Variants in TTN observed in about 807,000 individuals in gnomAD.
TTN encodes titin, also known as connectin.
A neutral mutation model predicts 3,223.0 loss-of-function variants in TTN; 1,525 were observed. That is an observed-to-expected ratio of 0.47 (90% CI 0.45 to 0.49). The LOEUF is 0.49. Ranked by LOEUF, TTN falls within the 20% of genes least tolerant of loss-of-function variation. The pLI is 0.00. For missense variants in TTN, 40,786 were observed against 43,424.0 expected (o/e 0.94, Z 5.40); for synonymous variants, 14,094 against 15,161.0 (o/e 0.93, Z 5.17).
Position 178,698,843 on chromosome 2 carries a change from C to T in TTN, c.30754G>A (p.Glu10252Lys). The T allele has an allele frequency of 6.5e-7, 1 of 1,542,598 alleles. No individual in the cohort carries two copies. ...ACTGCTTTTTGATTAATTATAATAC[C>T]TTCACGTGGTGTCATCTCTTTGGGC... ...AKPKEMTPREEIVKKPPPPTT... is the reference protein window; with the variant it reads ...AKPKEMTPREKIVKKPPPPTT... Residue 10252 changes from glutamate (E) to lysine (K), a missense_variant and splice_region_variant, in exon 112 of 363, where the codon GAG becomes AAG. Glu to Lys is a moderately conservative substitution (Grantham distance 56). Coordinates refer to ENST00000589042, the MANE Select transcript of TTN (RefSeq NM_001267550.2).
At position 178,732,275 on chromosome 2, in the gene TTN, C is replaced by T; in HGVS notation, c.16694G>A (p.Cys5565Tyr). ...AATTGGAGGGGTACCAGTTACTTTG[C>T]AGGCTAGCTGGGTGGCATCTCCCTT... Reference protein sequence around the residue: ...LKKGDATQLACKVTGTPPIKI... With the variant: ...LKKGDATQLAYKVTGTPPIKI... The change falls in exon 57 of 363, where the codon TGC becomes TAC. Residue 5565 changes from cysteine (C) to tyrosine (Y), a missense_variant. Coordinates refer to ENST00000589042, the MANE Select transcript of TTN (RefSeq NM_001267550.2). The T allele has an allele frequency of 6.2e-7, 1 of 1,613,630 alleles. No individual in the cohort carries two copies. Among genetic ancestry groups the T allele is most frequent in the Non-Finnish European group, 8.5e-7 (1 of 1,179,672 alleles).
chr2:178,569,542 T>G lies in TTN; in HGVS notation c.76590A>C (p.Leu25530Phe). ...INIRAGGSLR[L>F]FVPIKGRPTP... ...TAGGACGACCTTTTATAGGAACAAA[T>G]AACCTTAAGGAGCCACCTGCCCTTA... The change falls in exon 326 of 363, where the codon TTA becomes TTC. Residue 25530 changes from leucine to phenylalanine, a missense_variant. Coordinates refer to ENST00000589042, the MANE Select transcript of TTN (RefSeq NM_001267550.2). The G allele has an allele frequency of 6.2e-7, 1 of 1,612,788 alleles. No homozygotes were observed. Among genetic ancestry groups the G allele is most frequent in the Non-Finnish European group, 8.5e-7 (1 of 1,179,414 alleles).
chr2:178,741,481 C>T lies in TTN; in HGVS notation c.11752G>A (p.Asp3918Asn). ...KINSKGEGHK[D>N]TETESAVAKS... ...GCCACTGCTGATTCTGTTTCAGTGT[C>T]TTTGTGACCCTCTCCTTTGGAATTA... Residue 3918 changes from aspartate to asparagine, a missense_variant, in exon 48 of 363, where the codon GAC (aspartate) becomes AAC (asparagine). Coordinates refer to ENST00000589042, the MANE Select transcript of TTN (RefSeq NM_001267550.2). The T allele has an allele frequency of 6.2e-7, 1 of 1,613,834 alleles. No individual in the cohort carries two copies. Among genetic ancestry groups the T allele is most frequent in the Non-Finnish European group, 8.5e-7 (1 of 1,179,810 alleles).
chr2:178,722,000 T>C lies in TTN; in HGVS notation c.22663A>G (p.Ile7555Val), dbSNP rs747649130. 6.2e-7 allele frequency: 1 copy of C among 1,613,456 alleles called. No individual in the cohort carries two copies. The highest frequency in any genetic ancestry group is 1.3e-5 in the African/African-American group (1 of 74,900). ...RITWSKDNKEIRPGGNYTITC... is the reference protein window; with the variant it reads ...RITWSKDNKEVRPGGNYTITC... ...ATTGTATAGTTTCCTCCAGGACGGA[T>C]CTCCTTGTTATCTTTTGACCAAGTG... Residue 7555 changes from isoleucine (I) to valine (V), a missense_variant, in exon 78 of 363, where the codon ATC (isoleucine) becomes GTC (valine). By Grantham distance (29) the Ile-to-Val change is conservative. Transcript: ENST00000589042.
In TTN at chr2:178,547,709, A is replaced by G. The variant is rs555405542; in HGVS notation, c.93917T>C (p.Ile31306Thr). 2.9e-5 allele frequency: 46 copies of G among 1,613,920 alleles called. No individual in the cohort carries two copies. Among genetic ancestry groups the G allele is most frequent in the Admixed American group, 1.5e-4 (9 of 60,010 alleles). ...VKTFSVTVVV[I>T]GRPGPVTGPI... ...GCCGGTTACTGGACCTGGCCTTCCA[A>G]TGACCACAACTGTGACGCTAAATGT... Residue 31306 changes from isoleucine (I) to threonine (T), a missense_variant, in exon 339 of 363, where the codon ATT becomes ACT. Ile to Thr is a moderately conservative substitution (Grantham distance 89). Coordinates refer to ENST00000589042, the MANE Select transcript of TTN (RefSeq NM_001267550.2).
chr2:178,612,933 A>G lies in TTN; in HGVS notation c.49788T>C (p.Asp16596=). 3.1e-6 allele frequency: 5 copies of G among 1,612,702 alleles called. No individual in the cohort carries two copies. The highest frequency in any genetic ancestry group is 4.2e-6 in the Non-Finnish European group (5 of 1,179,244). ...CCCCTTCCGCCACTCTGACCCACTCATCTGTTCCAGTCTTCAGCATTTCAA... is the reference window on the plus strand; with the variant it reads ...CCCCTTCCGCCACTCTGACCCACTCGTCTGTTCCAGTCTTCAGCATTTCAA... The part of the protein sequence containing the change: ...YVIEMLKTGT[D]EWVRVAEGVP... The change falls in exon 265 of 363, where the codon GAT becomes GAC. Residue 16596 remains aspartate (D), a synonymous_variant. Coordinates refer to ENST00000589042, the MANE Select transcript of TTN (RefSeq NM_001267550.2).
intron 263 of TTN, 41 bp downstream of exon 263, chr2:178,613,710 A>G (rs1178198766): frequency 6.3e-7 from 1 of 1,587,966 alleles, no homozygotes; most frequent in Admixed American, 1.7e-5. Flanking sequence ...ACATTTGAAT[A>G]TACTGCTGTC....
rs747160568 is a variant in TTN at position 178,539,055 on chromosome 2, T to G, written c.98880A>C (p.Thr32960=). 6.2e-7 allele frequency: 1 copy of G among 1,613,802 alleles called. No homozygotes were observed. The highest frequency in any genetic ancestry group is 1.1e-5 in the South Asian group (1 of 91,086). ...GATACTCAGCATCGGGAACAAGCCC[T>G]GTGACAGTGTACATTGTGGTGGTGA... ...TQITTTMYTV[T]GLVPDAEYQF... is the part of the protein sequence containing the mutation. Residue 32960 remains threonine (T), a synonymous_variant, in exon 353 of 363, where the codon ACA becomes ACC. Coordinates refer to ENST00000589042, the MANE Select transcript of TTN (RefSeq NM_001267550.2).
intron 333 of TTN, 40 bp from the exon 334 acceptor site, chr2:178,553,847 G>A: frequency 6.4e-7 from 1 of 1,562,116 alleles, no homozygotes; most frequent in South Asian, 1.2e-5. Flanking sequence ...ACACAATCAT[G>A]TACAATTTAG....
chr2:178,734,905 C>T lies in TTN; in HGVS notation c.15019G>A (p.Gly5007Ser). The T allele has an allele frequency of 6.2e-7, 1 of 1,613,118 alleles. No individual in the cohort carries two copies. The highest frequency in any genetic ancestry group is 1.1e-5 in the South Asian group (1 of 91,034). The change falls in exon 51 of 363, where the codon GGC becomes AGC. Residue 5007 changes from glycine (G) to serine (S), a missense_variant. By Grantham distance (56) the Gly-to-Ser change is moderately conservative. Coordinates refer to ENST00000589042, the MANE Select transcript of TTN (RefSeq NM_001267550.2). ...ESARLHCKLK[G>S]SPVIQVTWFK... ...CAAGTAACCTGGATCACAGGTGAGC[C>T]TTTCAGCTTGCAATGGAGGCGTGCT...
At position 178,570,607 on chromosome 2, in the gene TTN, T is replaced by C; in HGVS notation, c.75525A>G (p.Val25175=). Residue 25175 remains valine (V), a synonymous_variant, in exon 326 of 363, where the codon GTA becomes GTG. Coordinates refer to ENST00000589042, the MANE Select transcript of TTN (RefSeq NM_001267550.2). ...GTATGTAATTTCCACTGTCGACACG[T>C]ACTGCATCTTTTACACTGAGACTGG... ...FATSLSVKDA[V]RVDSGNYILK... 1.2e-6 allele frequency: 2 copies of C among 1,613,484 alleles called. No homozygotes were observed. Among genetic ancestry groups the C allele is most frequent in the Non-Finnish European group, 1.7e-6 (2 of 1,179,622 alleles).
Position 178,574,508 on chromosome 2 carries a change from G to C in TTN, c.71624C>G (p.Thr23875Ser). The change falls in exon 326 of 363, where the codon ACT becomes AGT. Residue 23875 changes from threonine (T) to serine (S), a missense_variant. Coordinates refer to ENST00000589042, the MANE Select transcript of TTN (RefSeq NM_001267550.2). ...GCCTGGTACTAAAGCTTTGCTCACA[G>C]TCTGCCAGAGAATACCATTTCGTTC... ...RKERNGILWQ[T>S]VSKALVPGNI... 6.2e-7 allele frequency: 1 copy of C among 1,613,602 alleles called. No homozygotes were observed. Among genetic ancestry groups the C allele is most frequent in the Non-Finnish European group, 8.5e-7 (1 of 1,179,622 alleles).
At chr2:178,669,733 A>G in intron 157 of TTN, 58 bp from the exon 158 acceptor site, 1 of 1,567,788 alleles carries the variant, frequency 6.4e-7, no homozygotes, top group Non-Finnish European at 8.7e-7. Flanking sequence ...GTGTAAACAT[A>G]GCAAGCCTAG....
rs1243651023 is a variant in TTN, at chr2:178,530,702, A to C, written c.105913T>G (p.Cys35305Gly). The C allele has an allele frequency of 6.2e-7, 1 of 1,613,974 alleles. No homozygotes were observed. Among genetic ancestry groups the C allele is most frequent in the Admixed American group, 1.7e-5 (1 of 60,020 alleles). The change falls in exon 358 of 363, where the codon TGT (cysteine) becomes GGT (glycine). Residue 35305 changes from cysteine to glycine, a missense_variant. Physicochemically the swap from Cys to Gly is radical, Grantham distance 159. Transcript: ENST00000589042. Reference sequence around the variant, plus strand: ...CTTAATACACTGCTTTCAACCACACAGGTCAGTTTTGCAATCTCTTTAGAA... The same window carrying C: ...CTTAATACACTGCTTTCAACCACACCGGTCAGTTTTGCAATCTCTTTAGAA... The part of the protein sequence containing the change: ...EASKEIAKLT[C>G]VVESSVLRAK...
Position 178,559,835 on chromosome 2 carries a change from A to G in TTN, c.86297T>C (p.Val28766Ala), listed in dbSNP as rs754113086. 1 of 1,610,842 alleles carries G rather than the reference A, an allele frequency of 6.2e-7. No homozygotes were observed. Among genetic ancestry groups the G allele is most frequent in the Admixed American group, 1.7e-5 (1 of 59,956 alleles). The change falls in exon 326 of 363, where the codon GTC becomes GCC. Residue 28766 changes from valine to alanine, a missense_variant. Val to Ala is a moderately conservative substitution (Grantham distance 64, BLOSUM62 0). Transcript: ENST00000589042. ...CATGGTAAATGAGGCACCAGCCTTG[A>G]CAATCAAGGTCTTCCTCATTTCACT... ...IDSEMRKTLIVKAGASFTMTV... is the reference protein window; with the variant it reads ...IDSEMRKTLIAKAGASFTMTV...
Position 178,764,545 on chromosome 2 carries a change from C to G in TTN, c.9970G>C (p.Ala3324Pro). The G allele has an allele frequency of 6.2e-7, 1 of 1,614,106 alleles. No homozygotes were observed. The highest frequency in any genetic ancestry group is 1.1e-5 in the South Asian group (1 of 91,076). Residue 3324 changes from alanine (A) to proline (P), a missense_variant, in exon 42 of 363, where the codon GCT (alanine) becomes CCT (proline). Coordinates refer to ENST00000589042, the MANE Select transcript of TTN (RefSeq NM_001267550.2). ...TTCCTACCTTCCACTGAGAGTGAAG[C>G]TGATGTTGTGGCAACACCATAGTCA... ...KNDYGVATTS[A>P]SLSVEVPEVV... is the part of the protein sequence containing the mutation.
Position 178,533,961 on chromosome 2 carries a change from G to A in TTN, c.102654C>T (p.Asp34218=). 1 of 1,613,876 alleles carries A rather than the reference G, an allele frequency of 6.2e-7. No individual in the cohort carries two copies. The highest frequency in any genetic ancestry group is 1.1e-5 in the South Asian group (1 of 91,080). ...TAACAAATAGCTCTGCATAAGAACT[G>A]TCTTCACCATAGTCATTGACTACTT... The part of the protein sequence containing the change: ...RCKVVNDYGE[D]SSYAELFVKG... Residue 34218 remains aspartate (D), a synonymous_variant, in exon 358 of 363, where the codon GAC becomes GAT. Coordinates refer to ENST00000589042, the MANE Select transcript of TTN (RefSeq NM_001267550.2).
chr2:178,663,182 T>C, intron 173 of TTN, 84 bp downstream of exon 173: 2 of 1,597,008 alleles, frequency 1.3e-6, no homozygotes, highest in Non-Finnish European at 1.7e-6. Flanking sequence ...ATATCATCTT[T>C]ATGTAGTAGG....
In TTN at chr2:178,579,293, A is replaced by C. The variant is rs765975995; in HGVS notation, c.67737T>G (p.Ala22579=). The C allele has an allele frequency of 2.2e-5, 35 of 1,612,680 alleles. No homozygotes were observed. Among genetic ancestry groups the C allele is most frequent in the Non-Finnish European group, 2.8e-5 (33 of 1,179,238 alleles). Residue 22579 remains alanine (A), a synonymous_variant, in exon 320 of 363, where the codon GCT becomes GCG. Transcript: ENST00000589042. ...RLKIPIKGKP[A]PSVSWKKGED... ...CCCCTTTCTTCCAGGAGACTGATGG[A>C]GCTGGCTTGCCTTTTATGGGGATCT...
Sources: gnomAD v4.1 joint callset for allele counts on GRCh38, gnomAD v4.1.1 for gene constraint, MANE v1.5 for transcripts, NCBI Gene and HGNC (gene_info 2026-07-23, HGNC 2026-07-21) for gene names.